Variants in CYRIA observed in about 807,000 individuals in gnomAD.
CYRIA encodes CYFIP related Rac1 interactor A, also known as CYFIP-related Rac1 interactor A.
A neutral mutation model predicts 43.9 loss-of-function variants in CYRIA; 15 were observed. The observed-to-expected ratio is 0.34, with a 90% CI of 0.23 to 0.53. CYRIA has a LOEUF of 0.53. Among genes scored for constraint, CYRIA ranks in the 20% least tolerant of loss-of-function variants. CYRIA has a pLI of 0.94. For missense variants in CYRIA, 236 were observed against 394.2 expected (o/e 0.60, Z 3.40); for synonymous variants, 117 against 136.0 (o/e 0.86, Z 0.97).
rs149244503 is a variant in CYRIA, at chr2:16,563,999, G to A, written c.288C>T (p.Ser96=). Reference sequence around the variant, plus strand: ...CAAATACATACTCACCTAGTCTAATGGAAAACTCGTAAAATCTCTTTAGCC... The same window carrying A: ...CAAATACATACTCACCTAGTCTAATAGAAAACTCGTAAAATCTCTTTAGCC... ...VVRLKRFYEF[S]IRLEKALQSL... is the part of the protein sequence containing the mutation. The change falls in exon 5 of 12, where the codon TCC becomes TCT. Residue 96 remains serine (S), a synonymous_variant. Coordinates refer to ENST00000381323, the MANE Select transcript of CYRIA (RefSeq NM_030797.4). 2.3e-4 allele frequency: 368 copies of A among 1,612,388 alleles called. 3 individuals are homozygous for A. In the East Asian group the frequency reaches 6.6e-3, roughly 29 times the overall value.
chr2:16,582,027 G>A (rs1396563248), intron 3 of CYRIA, among the ~76,000 whole-genome samples: 1 of 152,154 alleles, frequency 6.6e-6, no homozygotes, highest in Non-Finnish European at 1.5e-5. Flanking sequence ...AGTCAGACCT[G>A]ATCAGTAGCT....
chr2:16,593,876 C>T (rs544770903), intron 2 of CYRIA, among the ~76,000 whole-genome samples: 14 of 146,940 alleles, frequency 9.5e-5, no homozygotes, highest in East Asian at 2.0e-4. Context: ...TCCCTCCCCC[C>T]GACCCCCGAC....
intron 1 of CYRIA, among the ~76,000 whole-genome samples, chr2:16,645,287 C>T (rs1669787055): frequency 6.6e-6 from 1 of 152,074 alleles, no homozygotes; most frequent in African/African-American, 2.4e-5. Flanking sequence ...AAGCAGGCAA[C>T]GATCCTGGGC....
chr2:16,603,333 C>A (rs1668272574), intron 2 of CYRIA, among the ~76,000 whole-genome samples: 1 of 152,154 alleles, frequency 6.6e-6, no homozygotes, highest in African/African-American at 2.4e-5. Flanking sequence ...TTAATTTTTA[C>A]AACAACCATA....
At chr2:16,637,890 G>T (rs1174537117) in intron 1 of CYRIA, among the ~76,000 whole-genome samples, 1 of 152,196 alleles carries the variant, frequency 6.6e-6, no homozygotes, top group African/African-American at 2.4e-5. Context: ...TGGCAGAAGG[G>T]TGTCTGATCC....
At chr2:16,618,183 G>C (rs544749021) in intron 2 of CYRIA, among the ~76,000 whole-genome samples, 28 of 152,334 alleles carry the variant, frequency 1.8e-4, no homozygotes, top group African/African-American at 6.5e-4. Flanking sequence ...CAGGATGAGA[G>C]TGTGCTCGAA....
Position 16,562,028 on chromosome 2 carries a change from T to C in CYRIA, c.412A>G (p.Thr138Ala). The change falls in exon 6 of 12, where the codon ACC (threonine) becomes GCC (alanine). Residue 138 changes from threonine (T) to alanine (A), a missense_variant. Physicochemically the swap from Thr to Ala is moderately conservative, Grantham distance 58 (BLOSUM62 0). Coordinates refer to ENST00000381323, the MANE Select transcript of CYRIA (RefSeq NM_030797.4). ...ACCTTCAGCTCATCGAATCGAAGGGTAAAATGTAAAATTTCGGCAAACTCC... is the reference window on the plus strand; with the variant it reads ...ACCTTCAGCTCATCGAATCGAAGGGCAAAATGTAAAATTTCGGCAAACTCC... Reference protein sequence around the residue: ...AKEFAEILHFTLRFDELKMRN... With the variant: ...AKEFAEILHFALRFDELKMRN... The C allele has an allele frequency of 1.2e-6, 2 of 1,613,424 alleles. No homozygotes were observed. Among genetic ancestry groups the C allele is most frequent in the Non-Finnish European group, 1.7e-6 (2 of 1,179,602 alleles).
At chr2:16,624,837 T>G (rs1321137638) in intron 1 of CYRIA, among the ~76,000 whole-genome samples, 1 of 152,258 alleles carries the variant, frequency 6.6e-6, no homozygotes, top group Non-Finnish European at 1.5e-5. Flanking sequence ...TACTTTCTTA[T>G]TAATTTGTCC....
At chr2:16,641,531 T>C (rs777997445) in intron 1 of CYRIA, among the ~76,000 whole-genome samples, 4 of 152,248 alleles carry the variant, frequency 2.6e-5, no homozygotes, top group Non-Finnish European at 5.9e-5. Context: ...TGAACTCTCA[T>C]AATTTTACTA....
At chr2:16,616,464 T>C (rs764051854) in intron 2 of CYRIA, among the ~76,000 whole-genome samples, 10 of 152,288 alleles carry the variant, frequency 6.6e-5, no homozygotes, top group Non-Finnish European at 1.3e-4. Flanking sequence ...TCCAGGCCTC[T>C]CACTCCCTCT....
At position 16,550,206 on chromosome 2, in the gene CYRIA, T is replaced by C. The variant is rs529966948; in HGVS notation, c.*2730A>G. 1.8e-4 allele frequency: 27 copies of C among 151,980 alleles called. No homozygotes were observed. In the South Asian group the frequency reaches 1.9e-3, roughly 11 times the overall value. The allele number at this position is 151,980 out of a possible 1,614,324, so 9.4% of individuals were successfully genotyped here. On this transcript the variant is annotated 3_prime_UTR_variant, in exon 12 of 12. Coordinates refer to ENST00000381323, the MANE Select transcript of CYRIA (RefSeq NM_030797.4). ...ATATGAAATATAGTTAACAATGACATTGACACTGTTGCTAGCACTTTCCCC... is the reference window on the plus strand; with the variant it reads ...ATATGAAATATAGTTAACAATGACACTGACACTGTTGCTAGCACTTTCCCC...
chr2:16,553,744 T>C (rs1666401626), intron 11 of CYRIA, among the ~76,000 whole-genome samples: 1 of 152,132 alleles, frequency 6.6e-6, no homozygotes, highest in African/African-American at 2.4e-5. Flanking sequence ...GGAAAGCCTG[T>C]GCTCCTCTGA....
At chr2:16,642,300 C>G (rs1024736457) in intron 1 of CYRIA, among the ~76,000 whole-genome samples, 1 of 152,164 alleles carries the variant, frequency 6.6e-6, no homozygotes, top group African/African-American at 2.4e-5. Flanking sequence ...CCTGCTCTAC[C>G]CACATTATTT....
At chr2:16,654,216 T>A (rs1572206665) in intron 1 of CYRIA, among the ~76,000 whole-genome samples, 1 of 152,196 alleles carries the variant, frequency 6.6e-6, no homozygotes, top group Admixed American at 6.5e-5. Context: ...TGTTTGCATC[T>A]CTCCGAGTCT....
In CYRIA at chr2:16,628,480, C is replaced by T. The variant is rs372961120; in HGVS notation, c.-166-4461G>A. On this transcript the variant is annotated intron_variant, in intron 1 of 11. Transcript: ENST00000381323. ...ACAGCCAGCTTCTGGGCTGTCAGAG[C>T]ACATGGGCACAGGCGTTTACTTCCA... is the stretch of plus-strand genomic sequence containing the variant. Among the ~76,000 whole-genome samples the T allele has an allele frequency of 1.3e-4, 20 of 152,314 alleles. No individual in the cohort carries two copies. In the South Asian group the frequency reaches 1.9e-3, roughly 14 times the overall value.
At chr2:16,657,138 C>T (rs1670137549) in intron 1 of CYRIA, among the ~76,000 whole-genome samples, 1 of 152,166 alleles carries the variant, frequency 6.6e-6, no homozygotes, top group Non-Finnish European at 1.5e-5. Flanking sequence ...TACTTAGAAA[C>T]TCAGTTCCTA....
chr2:16,574,416 C>A (rs897121614), intron 3 of CYRIA, among the ~76,000 whole-genome samples: 7 of 152,290 alleles, frequency 4.6e-5, no homozygotes, highest in African/African-American at 1.7e-4. Context: ...TTCAAGAGGG[C>A]TGCAGAAATA....
At chr2:16,592,544 G>A (rs1572488315) in intron 2 of CYRIA, among the ~76,000 whole-genome samples, 1 of 152,042 alleles carries the variant, frequency 6.6e-6, no homozygotes, top group East Asian at 1.9e-4. Flanking sequence ...AAGGTGTCTG[G>A]GCATCTGGGT....
chr2:16,609,965 C>T (rs541807028), intron 2 of CYRIA, among the ~76,000 whole-genome samples: 4 of 152,306 alleles, frequency 2.6e-5, no homozygotes, highest in African/African-American at 7.2e-5. Context: ...GACACTAAAC[C>T]TCTACTGAGG....
Sources: gnomAD v4.1 joint callset for allele counts (sites outside exome capture counted in the v4.1 genomes callset) on GRCh38, gnomAD v4.1.1 for gene constraint, MANE v1.5 for transcripts, NCBI Gene and HGNC (gene_info 2026-07-23, HGNC 2026-07-21) for gene names.